GYS1: variants seen among roughly 807,000 people sequenced by gnomAD.
GYS1 encodes glycogen synthase 1.
In GYS1, 60 loss-of-function variants were observed where a neutral mutation model predicts 89.1. The ratio of observed to expected loss-of-function variants is 0.67; its 90% CI spans 0.55 to 0.84. The LOEUF is 0.84. Ranked by LOEUF, GYS1 falls within the 40% of genes least tolerant of loss-of-function variation. The pLI is 0.00. For missense variants in GYS1, 888 were observed against 1,003.1 expected (o/e 0.89, Z 1.55); for synonymous variants, 366 against 401.7 (o/e 0.91, Z 1.06).
intron 8 of GYS1, among the ~76,000 whole-genome samples, chr19:48,979,948 CTTT>C (rs775904270): frequency 6.6e-6 from 1 of 151,674 alleles, no homozygotes; most frequent in Middle Eastern, 3.4e-3. Flanking sequence ...CGCCCGACTT[CTTT>C]TTTATTTTTT....
intron 8 of GYS1, among the ~76,000 whole-genome samples, chr19:48,980,766 G>C (rs1310122145): frequency 6.6e-6 from 1 of 152,008 alleles, no homozygotes; most frequent in Admixed American, 6.6e-5. Context: ...GATCACCTGA[G>C]GTCAGGTGTT....
At chr19:48,987,438 A>G (rs868409788) in intron 2 of GYS1, 53 bp from the exon 3 acceptor site, 1 of 1,360,824 alleles carries the variant, frequency 7.3e-7, no homozygotes, top group Middle Eastern at 2.4e-4. Context: ...TCAGCCTCAT[A>G]TCTTCACTCA....
Position 48,970,946 on chromosome 19 carries a change from C to T in GYS1, c.1627G>A (p.Ala543Thr). Residue 543 changes from alanine (A) to threonine (T), a missense_variant, in exon 13 of 16, where the codon GCA becomes ACA. Physicochemically the swap from Ala to Thr is moderately conservative, Grantham distance 58. Coordinates refer to ENST00000323798, the MANE Select transcript of GYS1 (RefSeq NM_002103.5). Reference protein sequence around the residue: ...GFGCFMEEHIADPSAYGIYIL... With the variant: ...GFGCFMEEHITDPSAYGIYIL... ...CGCTGACCGTAAGCTGAGGGGTCTG[C>T]GATGTGTTCCTCCATGAAGCAGCCG... 1 of 1,613,228 alleles carries T rather than the reference C, an allele frequency of 6.2e-7. No homozygotes were observed. The highest frequency in any genetic ancestry group is 2.2e-5 in the East Asian group (1 of 44,868).
Position 48,991,406 on chromosome 19 carries a change from C to A in GYS1, c.196G>T (p.Gly66Trp). Residue 66 changes from glycine (G) to tryptophan (W), a missense_variant, in exon 2 of 16, where the codon GGG becomes TGG. Transcript: ENST00000323798. The surrounding 1 kb of genome is among the most constrained non-coding windows in gnomAD (Gnocchi z 4.7). The stretch of plus-strand genomic sequence containing the variant: ...CTCACGCCCTGCTCCGTGTACGGCC[C>A]CACCAGGAAGTAGTTGTCGCCCCAT... ...DEWGDNYFLV[G>W]PYTEQGVRTQ... The A allele has an allele frequency of 6.2e-7, 1 of 1,614,162 alleles. No homozygotes were observed. The highest frequency in any genetic ancestry group is 8.5e-7 in the Non-Finnish European group (1 of 1,180,046).
In GYS1 at chr19:48,969,156, G is replaced by T; in HGVS notation, c.*132C>A. The T allele has an allele frequency of 3.9e-6, 3 of 760,188 alleles. No homozygotes were observed. The highest frequency in any genetic ancestry group is 6.3e-6 in the Non-Finnish European group (3 of 474,302). The allele number at this position is 760,188 out of a possible 1,614,324, so 47.1% of individuals were successfully genotyped here. Reference sequence around the variant, plus strand: ...TGGAGCTGGAGGGGGTGGAGTGTTTGGCGGACTGGGTGGGGGCACTGCGGG... The same window carrying T: ...TGGAGCTGGAGGGGGTGGAGTGTTTTGCGGACTGGGTGGGGGCACTGCGGG... On this transcript the variant is annotated 3_prime_UTR_variant, in exon 16 of 16. Transcript: ENST00000323798.
intron 12 of GYS1, 50 bp from the exon 13 acceptor site, chr19:48,971,073 G>T: frequency 1.6e-6 from 2 of 1,279,090 alleles, no homozygotes; most frequent in Non-Finnish European, 2.3e-6. Context: ...ATCGCCTACC[G>T]TCTTAATCGC....
intron 10 of GYS1, among the ~76,000 whole-genome samples, chr19:48,975,137 A>C (rs2038625455): frequency 6.6e-6 from 1 of 151,892 alleles, no homozygotes; most frequent in African/African-American, 2.4e-5. Context: ...TCACTGTGTT[A>C]AATCAGGATG....
Position 48,991,107 on chromosome 19 carries a change from C to T in GYS1, c.300+195G>A, listed in dbSNP as rs911925375. Reference sequence around the variant, plus strand: ...CATACTTGCCATCTGTCTGTCCATTCGCCCATGTCTGGGATCCACCCACCC... The same window carrying T: ...CATACTTGCCATCTGTCTGTCCATTTGCCCATGTCTGGGATCCACCCACCC... On this transcript the variant is annotated intron_variant, in intron 2 of 15. Coordinates refer to ENST00000323798, the MANE Select transcript of GYS1 (RefSeq NM_002103.5). The surrounding 1 kb of genome is among the most constrained non-coding windows in gnomAD (Gnocchi z 4.7). Among the ~76,000 whole-genome samples the T allele has an allele frequency of 1.3e-5, 2 of 152,210 alleles. No individual in the cohort carries two copies. Among genetic ancestry groups the T allele is most frequent in the African/African-American group, 2.4e-5 (1 of 41,450 alleles).
At position 48,983,494 on chromosome 19, in the gene GYS1, C is replaced by G. The variant is rs1276366129; in HGVS notation, c.824-657G>C. Among the ~76,000 whole-genome samples the G allele has an allele frequency of 2.6e-5, 4 of 152,176 alleles. No homozygotes were observed. The East Asian group carries it at 7.7e-4, about 29-fold the overall frequency. On this transcript the variant is annotated intron_variant, in intron 5 of 15. Transcript: ENST00000323798. The stretch of plus-strand genomic sequence containing the variant: ...CTGAGATGGAAATGATTAAACATCC[C>G]CAAAGTCCTGCTTCTCCTAGGATAT...
In GYS1 at chr19:48,970,978, G is replaced by C; in HGVS notation, c.1595C>G (p.Ser532Cys). The change falls in exon 13 of 16, where the codon TCC becomes TGC. Residue 532 changes from serine (S) to cysteine (C), a missense_variant. By Grantham distance (112) the Ser-to-Cys change is moderately radical. Coordinates refer to ENST00000323798, the MANE Select transcript of GYS1 (RefSeq NM_002103.5). ...TTCCTCCATGAAGCAGCCGAAGCCG[G>C]AGAGATTGGTGGAGATACTGGGGAT... ...MGIPSISTNL[S>C]GFGCFMEEHI... 6.2e-7 allele frequency: 1 copy of C among 1,614,098 alleles called. No individual in the cohort carries two copies. The highest frequency in any genetic ancestry group is 8.5e-7 in the Non-Finnish European group (1 of 1,179,958).
rs1280617246 is a variant in GYS1 at position 48,991,793 on chromosome 19, T to G, written c.119-310A>C. Among the ~76,000 whole-genome samples the G allele has an allele frequency of 6.6e-6, 1 of 152,042 alleles. No homozygotes were observed. The highest frequency in any genetic ancestry group is 1.5e-5 in the Non-Finnish European group (1 of 67,984). On this transcript the variant is annotated intron_variant, in intron 1 of 15. Coordinates refer to ENST00000323798, the MANE Select transcript of GYS1 (RefSeq NM_002103.5). This position sits in a 1 kb window ranked among gnomAD's most constrained non-coding sequence, Gnocchi z 4.7. ...GGCTGGGTGCCGGGACCCCTTGGTCTGAAGGAATTAGGCACTGGGGCTCTA... is the reference window on the plus strand; with the variant it reads ...GGCTGGGTGCCGGGACCCCTTGGTCGGAAGGAATTAGGCACTGGGGCTCTA...
At chr19:48,992,509 C>T (rs943011550) in intron 1 of GYS1, among the ~76,000 whole-genome samples, 3 of 152,250 alleles carry the variant, frequency 2.0e-5, no homozygotes, top group Admixed American at 2.0e-4. Flanking sequence ...CAGCCCGTCC[C>T]ATCTTTATTC....
At chr19:48,977,598 A>G (rs1017472582) in intron 10 of GYS1, among the ~76,000 whole-genome samples, 33 of 152,112 alleles carry the variant, frequency 2.2e-4, no homozygotes, top group African/African-American at 7.5e-4. Context: ...ATCTCAAAAT[A>G]AATAAATAAA....
At chr19:48,972,269 C>CAGA (rs1413732541) in intron 12 of GYS1, among the ~76,000 whole-genome samples, 5 of 151,014 alleles carry the variant, frequency 3.3e-5, no homozygotes, top group Non-Finnish European at 7.4e-5. Context: ...ACCCGGGAGG[C>CAGA]GGTTGCAGTG....
At chr19:48,988,049 G>A (rs953084244) in intron 2 of GYS1, among the ~76,000 whole-genome samples, 2 of 152,122 alleles carry the variant, frequency 1.3e-5, no homozygotes, top group South Asian at 2.1e-4. Context: ...TGATCCGCCC[G>A]CCTCGGCGTC....
chr19:48,993,131 G>T lies in GYS1; in HGVS notation c.-19C>A, dbSNP rs2287753. On this transcript the variant is annotated 5_prime_UTR_variant, in exon 1 of 16. Coordinates refer to ENST00000323798, the MANE Select transcript of GYS1 (RefSeq NM_002103.5). ...AAGGCATGGCTGGCGCAGGAAGGGG[G>T]GCTCCGGGGATCTCCAGGTAGGGAC... 729 of 1,401,804 alleles carry T rather than the reference G, an allele frequency of 5.2e-4. 7 individuals carry two copies. The East Asian group carries it at 0.014, about 28-fold the overall frequency. The allele number at this position is 1,401,804 out of a possible 1,614,324, so 86.8% of individuals were successfully genotyped here. A position where few individuals can be genotyped will look rare whatever the true frequency, so the allele number is the denominator to read the frequency against.
At position 48,969,539 on chromosome 19, in the gene GYS1, G is replaced by A. The variant is rs1356215503; in HGVS notation, c.1963C>T (p.His655Tyr). ...GGATCCTCCTCGTCCTCACTCTGGT[G>A]CGGGCTGGAGTGTCGTGACAGCGAG... ...SPSLSRHSSP[H>Y]QSEDEEDPRN... The change falls in exon 16 of 16, where the codon CAC becomes TAC. Residue 655 changes from histidine (H) to tyrosine (Y), a missense_variant. Transcript: ENST00000323798. 1.9e-6 allele frequency: 3 copies of A among 1,541,520 alleles called. No homozygotes were observed. The highest frequency in any genetic ancestry group is 2.6e-6 in the Non-Finnish European group (3 of 1,146,898).
intron 10 of GYS1, among the ~76,000 whole-genome samples, chr19:48,976,721 A>T (rs1375205699): frequency 1.3e-5 from 2 of 152,030 alleles, no homozygotes; most frequent in African/African-American, 2.4e-5. Flanking sequence ...GAGAGTTGTA[A>T]TTCTTTTATG....
At chr19:48,979,132 GACTTGT>G (rs1270576355) in intron 8 of GYS1, among the ~76,000 whole-genome samples, 4 of 151,988 alleles carry the variant, frequency 2.6e-5, no homozygotes, top group African/African-American at 9.7e-5. Context: ...CTATTATTAG[GACTTGT>G]ACTTGTCCTG....
Sources: gnomAD v4.1 joint callset for allele counts (sites outside exome capture counted in the v4.1 genomes callset) on GRCh38, gnomAD v4.1.1 for gene constraint, Gnocchi (gnomAD v3.1) non-coding constraint, MANE v1.5 for transcripts, NCBI Gene and HGNC (gene_info 2026-07-23, HGNC 2026-07-21) for gene names.